RORA: variants seen among roughly 807,000 people sequenced by gnomAD.
The protein encoded by RORA is nuclear receptor ROR-alpha.
In RORA, 7 loss-of-function variants were observed where a neutral mutation model predicts 69.5. The observed-to-expected ratio is 0.10, with a 90% CI of 0.06 to 0.19. RORA has a LOEUF of 0.19. RORA is among the 10% of genes least tolerant of loss of function. The pLI is 1.00. For synonymous variants in RORA, 261 were observed against 240.8 expected (o/e 1.08, Z -0.78); for missense variants, 457 against 663.0 (o/e 0.69, Z 3.41).
At position 61,128,219 on chromosome 15, in the gene RORA, GTGTGTC is replaced by G. The variant is rs1303648893; in HGVS notation, c.166+100828_166+100833del. On this transcript the variant is annotated intron_variant, in intron 1 of 10. Transcript: ENST00000335670. This position sits in a 1 kb window ranked among gnomAD's most constrained non-coding sequence, Gnocchi z 4.5. ...TGTATGCACACGTGTGTGTGTGTGTGTGTGTCTGTGTGTGAGTGTGTTTCTGCAAGG... is the reference window on the plus strand; with the variant it reads ...TGTATGCACACGTGTGTGTGTGTGTGTGTGTGTGAGTGTGTTTCTGCAAGG... Among the ~76,000 whole-genome samples, 9 of 151,672 alleles carry G rather than the reference GTGTGTC, an allele frequency of 5.9e-5. No individual in the cohort carries two copies. The highest frequency in any genetic ancestry group is 1.9e-4 in the African/African-American group (8 of 41,156).
intron 1 of RORA, among the ~76,000 whole-genome samples, chr15:60,796,854 CA>C (rs954070288): frequency 2.0e-5 from 3 of 150,608 alleles, no homozygotes; most frequent in Non-Finnish European, 4.4e-5. Flanking sequence ...TATTCAGCCA[CA>C]AAAAAAAGAA....
intron 1 of RORA, among the ~76,000 whole-genome samples, chr15:61,025,637 TA>T (rs1241157780): frequency 6.6e-6 from 1 of 152,224 alleles, no homozygotes; most frequent in Non-Finnish European, 1.5e-5. Flanking sequence ...CTGATGATTT[TA>T]ATACAAAAGA....
chr15:60,820,945 TG>T (rs763477120), intron 1 of RORA, among the ~76,000 whole-genome samples: 14 of 151,852 alleles, frequency 9.2e-5, no homozygotes, highest in Admixed American at 1.3e-4. Context: ...ATGGGGTGGT[TG>T]ATCTCTAACC....
At chr15:60,510,448 A>C (rs554607029) in intron 5 of RORA, 2 of 152,364 alleles carry the variant, frequency 1.3e-5, no homozygotes, top group South Asian at 4.1e-4. Context: ...AGCAATAAGA[A>C]AAGGACAGTT....
chr15:61,066,418 CTTTTTTTTTTTTTT>C (rs1168663714), intron 1 of RORA, among the ~76,000 whole-genome samples: 1 of 80,920 alleles, frequency 1.2e-5, no homozygotes, highest in Non-Finnish European at 2.3e-5. Flanking sequence ...GGGCATATTC[CTTTTTTTTTTTTTT>C]TTTTTTTTTT....
intron 1 of RORA, among the ~76,000 whole-genome samples, chr15:60,972,799 T>G (rs1893757546): frequency 1.3e-5 from 2 of 152,192 alleles, no homozygotes; most frequent in Admixed American, 1.3e-4. Context: ...GTAAAGCATG[T>G]TGATTCGTCA....
intron 1 of RORA, among the ~76,000 whole-genome samples, chr15:60,890,609 T>C (rs550979518): frequency 6.6e-6 from 1 of 152,294 alleles, no homozygotes; most frequent in South Asian, 2.1e-4. Context: ...GGTGATAAGG[T>C]GTGGCCGAGG....
intron 1 of RORA, among the ~76,000 whole-genome samples, chr15:61,135,566 G>A (rs1230004869): frequency 3.9e-4 from 40 of 102,752 alleles, no homozygotes; most frequent in African/African-American, 1.3e-3. Flanking sequence ...TTAGAAACTT[G>A]TATTTCCACA....
chr15:61,156,304 T>G (rs567221935), intron 1 of RORA, among the ~76,000 whole-genome samples: 2 of 152,292 alleles, frequency 1.3e-5, no homozygotes, highest in East Asian at 1.9e-4. Flanking sequence ...GTGTTATAAT[T>G]TTTGCAAATG....
chr15:60,751,958 AC>A (rs1227141385), intron 1 of RORA, among the ~76,000 whole-genome samples: 1 of 152,154 alleles, frequency 6.6e-6, no homozygotes, highest in Non-Finnish European at 1.5e-5. Flanking sequence ...AGATCCGACA[AC>A]ATGTGTGAGG....
chr15:61,060,067 C>T (rs757865294), intron 1 of RORA, among the ~76,000 whole-genome samples: 1 of 150,470 alleles, frequency 6.6e-6, no homozygotes, highest in Non-Finnish European at 1.5e-5. Context: ...TTCTGACAAG[C>T]ACCACCCAAC....
chr15:60,841,724 C>G (rs1218438957), intron 1 of RORA, among the ~76,000 whole-genome samples: 3 of 152,218 alleles, frequency 2.0e-5, no homozygotes, highest in African/African-American at 4.8e-5. Flanking sequence ...ATTTTCTGCC[C>G]TCGTTCTCTC....
intron 1 of RORA, among the ~76,000 whole-genome samples, chr15:61,105,745 T>C (rs890124629): frequency 6.6e-6 from 1 of 152,226 alleles, no homozygotes; most frequent in African/African-American, 2.4e-5. Flanking sequence ...TTATGTGACC[T>C]TGACCAAGCC....
At chr15:60,918,494 C>T (rs910809351) in intron 1 of RORA, among the ~76,000 whole-genome samples, 4 of 152,096 alleles carry the variant, frequency 2.6e-5, no homozygotes, top group Non-Finnish European at 4.4e-5. Context: ...ATGGTAATTA[C>T]GATTGGAATT....
chr15:60,592,680 GC>G, intron 2 of RORA: 1 of 1,054,574 alleles, frequency 9.5e-7, no homozygotes, highest in South Asian at 4.5e-5. Flanking sequence ...CCAGCGCCGC[GC>G]CCCGCCCCGC....
chr15:60,826,514 T>G (rs2072959542), intron 1 of RORA, among the ~76,000 whole-genome samples: 1 of 152,248 alleles, frequency 6.6e-6, no homozygotes, highest in Non-Finnish European at 1.5e-5. Flanking sequence ...TGCTGAGTCC[T>G]GCACCAGTTC....
intron 1 of RORA, chr15:60,736,908 T>A (rs2071508586): frequency 6.6e-6 from 1 of 152,222 alleles, no homozygotes; most frequent in Admixed American, 6.5e-5. Context: ...GAATTCAAGT[T>A]CTTGCCACCT....
At chr15:60,732,416 G>A (rs563727582) in intron 1 of RORA, among the ~76,000 whole-genome samples, 148 of 152,268 alleles carry the variant, frequency 9.7e-4, no homozygotes, top group Non-Finnish European at 1.4e-3. Context: ...CTCTCTGTGG[G>A]AAATCTTCAG....
At position 60,511,452 on chromosome 15, in the gene RORA, G is replaced by A. The variant is rs199918519; in HGVS notation, c.594C>T (p.Asp198=). The change falls in exon 5 of 11, where the codon GAC becomes GAT. Residue 198 remains aspartate, a synonymous_variant. Transcript: ENST00000335670. This position sits in a 1 kb window ranked among gnomAD's most constrained non-coding sequence, Gnocchi z 6.4. ...ISANGLTELH[D]DLSNYIDGHT... ...GCCCGTCAATGTAGTTACTGAGGTC[G>A]TCGTGAAGTTCCGTCAGCCCGTTGG... 29 of 1,614,044 alleles carry A rather than the reference G, an allele frequency of 1.8e-5. No individual in the cohort carries two copies. The highest frequency in any genetic ancestry group is 5.3e-5 in the African/African-American group (4 of 74,908).
Sources: gnomAD v4.1 joint callset for allele counts (sites outside exome capture counted in the v4.1 genomes callset) on GRCh38, gnomAD v4.1.1 for gene constraint, Gnocchi (gnomAD v3.1) non-coding constraint, MANE v1.5 for transcripts, NCBI Gene and HGNC (gene_info 2026-07-23, HGNC 2026-07-21) for gene names.